TTC27: variants seen among roughly 807,000 people sequenced by gnomAD.
TTC27 encodes the protein tetratricopeptide repeat protein 27.
In TTC27, 79 loss-of-function variants were observed where a neutral mutation model predicts 115.9. The ratio of observed to expected loss-of-function variants is 0.68; its 90% CI spans 0.57 to 0.82. The LOEUF (loss-of-function observed/expected upper bound fraction) is 0.82, where lower values mean the gene tolerates loss of function less well. Among genes scored for constraint, TTC27 ranks in the 40% least tolerant of loss-of-function variants. The pLI is 0.00. For missense variants in TTC27, 1,054 were observed against 993.1 expected (o/e 1.06, Z -0.82); for synonymous variants, 401 against 356.0 (o/e 1.13, Z -1.42).
intron 9 of TTC27, among the ~76,000 whole-genome samples, chr2:32,700,585 C>G (rs894778483): frequency 6.6e-6 from 1 of 152,016 alleles, no homozygotes; most frequent in Non-Finnish European, 1.5e-5. Context: ...TTGCCTAGAT[C>G]GAAGTGCAGT....
intron 10 of TTC27, among the ~76,000 whole-genome samples, chr2:32,708,848 C>T (rs185654633): frequency 1.6e-4 from 25 of 152,190 alleles, no homozygotes; most frequent in East Asian, 1.4e-3. Flanking sequence ...TATCTGCTCC[C>T]TTGGATACCC....
chr2:32,701,241 T>G (rs1246964408), intron 9 of TTC27, among the ~76,000 whole-genome samples: 1 of 152,218 alleles, frequency 6.6e-6, no homozygotes, highest in Non-Finnish European at 1.5e-5. Context: ...CTTTTGATTC[T>G]TCTCTCTTAT....
At chr2:32,816,687 A>G (rs1376067794) in intron 18 of TTC27, among the ~76,000 whole-genome samples, 2 of 152,092 alleles carry the variant, frequency 1.3e-5, no homozygotes, top group Admixed American at 1.3e-4. Flanking sequence ...GAACTTAAGA[A>G]CCTGGTTGTG....
intron 16 of TTC27, among the ~76,000 whole-genome samples, chr2:32,794,865 A>T (rs1670645466): frequency 6.6e-6 from 1 of 152,246 alleles, no homozygotes; most frequent in South Asian, 2.1e-4. Context: ...CTAGAAACAC[A>T]AAACCTACCA....
intron 10 of TTC27, among the ~76,000 whole-genome samples, chr2:32,729,066 T>A (rs1455612843): frequency 5.3e-5 from 8 of 152,152 alleles, no homozygotes; most frequent in Non-Finnish European, 4.4e-5. Context: ...ATATGGCATA[T>A]GATCAGTCAT....
intron 16 of TTC27, among the ~76,000 whole-genome samples, chr2:32,804,724 T>C (rs1341892474): frequency 6.6e-6 from 1 of 151,948 alleles, no homozygotes; most frequent in Non-Finnish European, 1.5e-5. Flanking sequence ...AAGCATAATG[T>C]TACAGTGAAA....
chr2:32,796,726 C>T (rs924534167), intron 16 of TTC27, among the ~76,000 whole-genome samples: 1 of 152,176 alleles, frequency 6.6e-6, no homozygotes, highest in Non-Finnish European at 1.5e-5. Flanking sequence ...AGCTAGGGGA[C>T]TCATGCTTCC....
intron 12 of TTC27, among the ~76,000 whole-genome samples, chr2:32,745,054 C>CAAAAAAAAAAAAAAAAA (rs57044153): frequency 2.0e-5 from 1 of 49,864 alleles, no homozygotes; most frequent in Non-Finnish European, 3.3e-5. Context: ...AACTCTGTCT[C>CAAAAAAAAAAAAAAAAA]AAAAAAAAAA....
rs1671299626 is a variant in TTC27, at chr2:32,811,071, A to C, written c.2046A>C (p.Arg682=). Residue 682 remains arginine (R), a synonymous_variant, in exon 17 of 20, where the codon CGA becomes CGC. Coordinates refer to ENST00000317907, the MANE Select transcript of TTC27 (RefSeq NM_017735.5). The stretch of plus-strand genomic sequence containing the variant: ...CAGTGATTGATGGGATGACTGATCG[A>C]AGTGGAGATGTTGCAACTGGCCTCA... ...VRAVIDGMTD[R]SGDVATGLKG... is the part of the protein sequence containing the mutation. The C allele has an allele frequency of 1.9e-6, 3 of 1,614,028 alleles. No homozygotes were observed. Among genetic ancestry groups the C allele is most frequent in the Admixed American group, 3.3e-5 (2 of 60,014 alleles).
At chr2:32,728,778 A>G (rs1668197398) in intron 10 of TTC27, among the ~76,000 whole-genome samples, 1 of 152,104 alleles carries the variant, frequency 6.6e-6, no homozygotes, top group Non-Finnish European at 1.5e-5. Context: ...AAGTTTAATG[A>G]TGGTGTTGAT....
chr2:32,734,359 C>G (rs1315617694), intron 11 of TTC27, among the ~76,000 whole-genome samples: 1 of 152,150 alleles, frequency 6.6e-6, no homozygotes, highest in Non-Finnish European at 1.5e-5. Context: ...CAGATGTGCA[C>G]TACCATGCCT....
chr2:32,695,444 G>A (rs576013931), intron 9 of TTC27, among the ~76,000 whole-genome samples: 7 of 151,846 alleles, frequency 4.6e-5, no homozygotes. Flanking sequence ...AATTAGGCCA[G>A]GCACGGTGGC....
chr2:32,677,695 C>G (rs1402760059), intron 8 of TTC27, among the ~76,000 whole-genome samples: 1 of 152,070 alleles, frequency 6.6e-6, no homozygotes, highest in East Asian at 1.9e-4. Context: ...ATGATTCATT[C>G]GCCTGCCTCA....
chr2:32,767,274 G>C lies in TTC27; in HGVS notation c.1680+8755G>C, dbSNP rs532266459. Among the ~76,000 whole-genome samples the C allele has an allele frequency of 3.6e-4, 55 of 152,076 alleles. No individual in the cohort carries two copies. The South Asian group carries it at 3.9e-3, about 11-fold the overall frequency. Reference sequence around the variant, plus strand: ...TTGAATAAATTTATATCCTTTACTAGAGCAGACTGTAATAGAGGCCTGTAA... The same window carrying C: ...TTGAATAAATTTATATCCTTTACTACAGCAGACTGTAATAGAGGCCTGTAA... On this transcript the variant is annotated intron_variant, in intron 13 of 19. Coordinates refer to ENST00000317907, the MANE Select transcript of TTC27 (RefSeq NM_017735.5).
chr2:32,753,697 C>G (rs1283667940), intron 12 of TTC27, among the ~76,000 whole-genome samples: 1 of 152,118 alleles, frequency 6.6e-6, no homozygotes, highest in African/African-American at 2.4e-5. Context: ...TCCGCCCACA[C>G]TGGTCTCCCA....
intron 17 of TTC27, 34 bp from the exon 18 acceptor site, chr2:32,812,470 G>A (rs1382778622): frequency 2.1e-6 from 3 of 1,462,806 alleles, no homozygotes; most frequent in African/African-American, 1.4e-5. Context: ...AATTCTACTT[G>A]TTATTCTGAA....
At chr2:32,758,700 AG>A (rs1275895707) in intron 13 of TTC27, among the ~76,000 whole-genome samples, 181 bp downstream of exon 13, 1 of 152,182 alleles carries the variant, frequency 6.6e-6, no homozygotes, top group Non-Finnish European at 1.5e-5. Context: ...AAAAGTGGAT[AG>A]GTTTTTTTTA....
At chr2:32,819,449 G>T (rs1671610655) in intron 19 of TTC27, among the ~76,000 whole-genome samples, 1 of 152,114 alleles carries the variant, frequency 6.6e-6, no homozygotes, top group Non-Finnish European at 1.5e-5. Flanking sequence ...AATGAATTAG[G>T]TTTGTCAAAC....
At chr2:32,715,887 T>C (rs1386667348) in intron 10 of TTC27, among the ~76,000 whole-genome samples, 1 of 151,838 alleles carries the variant, frequency 6.6e-6, no homozygotes, top group African/African-American at 2.4e-5. Flanking sequence ...TTAATACTGA[T>C]GGAATTACCA....
Sources: allele counts gnomAD v4.1 joint callset (sites outside exome capture counted in the v4.1 genomes callset), GRCh38; gene constraint gnomAD v4.1.1; transcripts MANE v1.5; gene names NCBI Gene and HGNC (gene_info 2026-07-23, HGNC 2026-07-21).